Variants in LSAMP observed in about 807,000 individuals in gnomAD.
The protein encoded by LSAMP is limbic system-associated membrane protein.
Under a neutral mutation model 38.6 loss-of-function variants are expected in LSAMP, and 7 were observed. The observed-to-expected ratio is 0.18, with a 90% confidence interval of 0.10 to 0.34. The LOEUF is 0.34. Among genes scored for constraint, LSAMP ranks in the 10% least tolerant of loss-of-function variants. The pLI, the probability that LSAMP is intolerant of heterozygous loss-of-function variation, is 1.00. For missense variants in LSAMP, 313 were observed against 420.0 expected, an observed-to-expected ratio of 0.75 and a Z score of 2.23; for synonymous variants, 154 against 166.8, an observed-to-expected ratio of 0.92 and a Z score of 0.59.
chr3:116,355,425 A>G (rs1429255241), intron 1 of LSAMP, among the ~76,000 whole-genome samples: 1 of 152,206 alleles, frequency 6.6e-6, no homozygotes, highest in Admixed American at 6.5e-5. Flanking sequence ...CTCACCATAT[A>G]CAAAAATCAA....
chr3:116,124,905 T>C (rs1460998977), intron 1 of LSAMP, among the ~76,000 whole-genome samples: 1 of 152,210 alleles, frequency 6.6e-6, no homozygotes, highest in Non-Finnish European at 1.5e-5. Flanking sequence ...GATCTTTGCA[T>C]AGTAAATAAC....
chr3:116,114,501 C>CTT (rs34046466), intron 1 of LSAMP, among the ~76,000 whole-genome samples: 5 of 147,726 alleles, frequency 3.4e-5, no homozygotes, highest in Non-Finnish European at 7.5e-5. Flanking sequence ...TCCAGAAATG[C>CTT]TTTTTTTTTT....
Position 115,806,497 on chromosome 3 carries a change from TC to T in LSAMP, c.*3819del, listed in dbSNP as rs1933634117. 6.6e-6 allele frequency: 1 copy of T among 152,162 alleles called. No homozygotes were observed. Among genetic ancestry groups the T allele is most frequent in the Non-Finnish European group, 1.5e-5 (1 of 68,044 alleles). 9.4% of individuals were successfully genotyped at this position (152,162 alleles called of 1,614,324 possible). A position where few individuals can be genotyped will look rare whatever the true frequency, so the allele number is the denominator to read the frequency against. On this transcript the variant is annotated 3_prime_UTR_variant, in exon 7 of 7. Transcript: ENST00000490035. ...GCTCACAACTTGGTAAAGTAATAAC[TC>T]AAACAATTTCATGCTGAGGAGTTTA...
chr3:116,216,394 G>A (rs1399170067), intron 1 of LSAMP, among the ~76,000 whole-genome samples: 2 of 152,030 alleles, frequency 1.3e-5, no homozygotes, highest in Non-Finnish European at 2.9e-5. Flanking sequence ...AAGAAAAATG[G>A]CATTAATTGT....
intron 1 of LSAMP, among the ~76,000 whole-genome samples, chr3:116,383,814 A>T (rs1427588680): frequency 4.6e-5 from 7 of 152,140 alleles, no homozygotes; most frequent in African/African-American, 1.7e-4. Flanking sequence ...AACTTGGGCC[A>T]AATTACCATG....
At chr3:116,162,758 CACACACTTAT>C (rs1291938953) in intron 1 of LSAMP, among the ~76,000 whole-genome samples, 1 of 92,252 alleles carries the variant, frequency 1.1e-5, no homozygotes, top group Non-Finnish European at 2.2e-5. Context: ...ATATCGTATA[CACACACTTAT>C]ACACACACAC....
At chr3:116,371,925 A>G (rs1450960555) in intron 1 of LSAMP, among the ~76,000 whole-genome samples, 2 of 152,106 alleles carry the variant, frequency 1.3e-5, no homozygotes, top group East Asian at 1.9e-4. Context: ...AAATAATTCA[A>G]TTTATGAAAG....
At chr3:116,296,743 T>C (rs1251668433) in intron 1 of LSAMP, among the ~76,000 whole-genome samples, 1 of 146,276 alleles carries the variant, frequency 6.8e-6, no homozygotes. Context: ...AAAGGTCTAC[T>C]GAGGCTCTAC....
intron 3 of LSAMP, among the ~76,000 whole-genome samples, chr3:115,965,100 G>A (rs1938754989): frequency 6.6e-6 from 1 of 152,064 alleles, no homozygotes; most frequent in African/African-American, 2.4e-5. Context: ...CGATATGAGA[G>A]AGGGTCCTGA....
rs35488561 is a variant in LSAMP, at chr3:115,849,477, A to AT, written c.649+3005dup. On this transcript the variant is annotated intron_variant, in intron 4 of 6. Coordinates refer to ENST00000490035, the MANE Select transcript of LSAMP (RefSeq NM_002338.5). Reference sequence around the variant, plus strand: ...ATGGGAGAAAGTTAATAGCCCTGAGATTTTTTTTTTTTCTTGTAGTGGTAC... The same window carrying AT: ...ATGGGAGAAAGTTAATAGCCCTGAGATTTTTTTTTTTTTCTTGTAGTGGTAC... 6.2e-4 allele frequency among the ~76,000 whole-genome samples: 93 copies of AT among 149,384 alleles called. 1 individual carries two copies. In the Middle Eastern group the frequency reaches 0.01, roughly 17 times the overall value.
At chr3:116,294,405 G>GAAAT in intron 1 of LSAMP, among the ~76,000 whole-genome samples, 1 of 152,018 alleles carries the variant, frequency 6.6e-6, no homozygotes, top group Non-Finnish European at 1.5e-5. Context: ...CTAGGATTCA[G>GAAAT]AAATAAGAAC....
intron 1 of LSAMP, among the ~76,000 whole-genome samples, chr3:116,175,879 T>C (rs1205416505): frequency 1.3e-5 from 2 of 152,140 alleles, no homozygotes; most frequent in South Asian, 4.1e-4. Context: ...GTAAATCCAA[T>C]GAAAACTCAC....
Position 116,198,024 on chromosome 3 carries a change from T to C in LSAMP, c.156-111468A>G, listed in dbSNP as rs111599949. Among the ~76,000 whole-genome samples the C allele has an allele frequency of 5.1e-3, 777 of 152,278 alleles. 10 individuals are homozygous for C. The highest frequency in any genetic ancestry group is 0.018 in the African/African-American group (731 of 41,564). On this transcript the variant is annotated intron_variant, in intron 1 of 6. Coordinates refer to ENST00000490035, the MANE Select transcript of LSAMP (RefSeq NM_002338.5). ...ATGAGAAATGGCATGGAGATACAGA[T>C]ATATCTTATTCAGGAAAGCAAGAGC... is the stretch of plus-strand genomic sequence containing the variant.
intron 3 of LSAMP, among the ~76,000 whole-genome samples, chr3:115,973,704 A>G (rs1486078032): frequency 6.6e-6 from 1 of 152,148 alleles, no homozygotes; most frequent in African/African-American, 2.4e-5. Flanking sequence ...ACTGCACTTC[A>G]GCCTGGGTGG....
intron 2 of LSAMP, among the ~76,000 whole-genome samples, chr3:116,047,365 A>G (rs1346002718): frequency 7.5e-6 from 1 of 133,918 alleles, no homozygotes; most frequent in African/African-American, 3.2e-5. Flanking sequence ...TTAAAATACG[A>G]ATCTAGTCTA....
At chr3:116,105,145 A>G (rs1358673363) in intron 1 of LSAMP, among the ~76,000 whole-genome samples, 2 of 151,372 alleles carry the variant, frequency 1.3e-5, no homozygotes, top group Non-Finnish European at 2.9e-5. Context: ...ACTCTTGGCT[A>G]CAGAAGAGAT....
intron 1 of LSAMP, among the ~76,000 whole-genome samples, chr3:116,185,993 T>TA (rs1559774883): frequency 6.7e-6 from 1 of 149,374 alleles, no homozygotes; most frequent in Admixed American, 6.6e-5. Context: ...TCTACCCCTT[T>TA]AAAAAAATGT....
At chr3:116,420,943 T>C (rs2049114373) in intron 1 of LSAMP, among the ~76,000 whole-genome samples, 1 of 152,162 alleles carries the variant, frequency 6.6e-6, no homozygotes, top group African/African-American at 2.4e-5. Context: ...AAGATAGTCT[T>C]TTCAACAAGT....
intron 1 of LSAMP, among the ~76,000 whole-genome samples, chr3:116,372,865 T>TAA (rs565195504): frequency 0.05 from 7,055 of 141,328 alleles, 541 homozygotes; most frequent in African/African-American, 0.16. Context: ...TAGCTGCTAT[T>TAA]AAAAAAAAAA....
Sources: allele counts gnomAD v4.1 joint callset (sites outside exome capture counted in the v4.1 genomes callset), GRCh38; gene constraint gnomAD v4.1.1; transcripts MANE v1.5; gene names NCBI Gene and HGNC (gene_info 2026-07-23, HGNC 2026-07-21).